The following INSL6 variants were observed in gnomAD, a reference collection of about 807,000 sequenced individuals.
INSL6 encodes the protein insulin like 6, also known as insulin-like peptide INSL6.
Under a neutral mutation model 9.4 loss-of-function variants are expected in INSL6, and 16 were observed. The ratio of observed to expected loss-of-function variants is 1.70; its 90% confidence interval spans 1.15 to 2.59. The LOEUF (loss-of-function observed/expected upper bound fraction) is 2.59, where lower values mean the gene tolerates loss of function less well. Ranked by LOEUF, INSL6 falls within the 30% of genes most tolerant of loss-of-function variation. The pLI, the probability that INSL6 is intolerant of heterozygous loss-of-function variation, is 0.00. For missense variants in INSL6, 391 were observed against 257.3 expected (o/e 1.52, Z -3.56); for synonymous variants, 154 against 96.9 (o/e 1.59, Z -3.46).
At chr9:5,131,158 C>T (rs1030170958) in intron 3 of INSL6, among the ~76,000 whole-genome samples, 7 of 152,288 alleles carry the variant, frequency 4.6e-5, no homozygotes, top group South Asian at 2.1e-4. Context: ...TAACAAGGCA[C>T]TCAATAATGA....
intron 2 of INSL6, among the ~76,000 whole-genome samples, chr9:5,139,269 A>AT (rs1824443934): frequency 6.6e-6 from 1 of 151,956 alleles, no homozygotes; most frequent in Non-Finnish European, 1.5e-5. Flanking sequence ...ATGATAAGCA[A>AT]TTTTTTCACG....
the INSL6 span, among the ~76,000 whole-genome samples, chr9:5,092,731 C>T: frequency 6.6e-6 from 1 of 152,136 alleles, no homozygotes; most frequent in Non-Finnish European, 1.5e-5. Context: ...GCTGAAAGAG[C>T]GTACTCACCT....
the INSL6 span, among the ~76,000 whole-genome samples, chr9:5,036,504 G>C: frequency 1.3e-5 from 2 of 152,160 alleles, no homozygotes; most frequent in African/African-American, 4.8e-5. Flanking sequence ...AACCAAAACA[G>C]CATGGTACTG....
At chr9:5,130,550 T>C (rs539385268) in intron 3 of INSL6, among the ~76,000 whole-genome samples, 3 of 152,292 alleles carry the variant, frequency 2.0e-5, no homozygotes, top group South Asian at 4.1e-4. Context: ...TTACCAGTTA[T>C]TTATTTTCAA....
chr9:5,050,287 C>T, the INSL6 span, among the ~76,000 whole-genome samples: 1 of 151,976 alleles, frequency 6.6e-6, no homozygotes, highest in African/African-American at 2.4e-5. Flanking sequence ...GGAATTTATG[C>T]CATTTATTTA....
At chr9:5,093,681 G>A in the INSL6 span, among the ~76,000 whole-genome samples, 3 of 152,104 alleles carry the variant, frequency 2.0e-5, no homozygotes, top group Non-Finnish European at 4.4e-5. Context: ...TAGTCTAAGC[G>A]AGTTAATACA....
At chr9:5,126,612 A>G in intron 3 of INSL6, 3 of 1,132,668 alleles carry the variant, frequency 2.6e-6, no homozygotes, top group Admixed American at 3.9e-5. Flanking sequence ...TGTATTGAAA[A>G]TTAATGTCTT....
chr9:5,020,097 C>T, the INSL6 span, among the ~76,000 whole-genome samples: 1 of 152,210 alleles, frequency 6.6e-6, no homozygotes, highest in Admixed American at 6.5e-5. Context: ...GGGCAGTGAG[C>T]ATGGCATGGG....
At chr9:5,076,708 C>T in the INSL6 span, among the ~76,000 whole-genome samples, 1 of 152,000 alleles carries the variant, frequency 6.6e-6, no homozygotes, top group Non-Finnish European at 1.5e-5. Flanking sequence ...AGTTTACATT[C>T]AAGAAAATTG....
At chr9:5,057,850 G>T in the INSL6 span, among the ~76,000 whole-genome samples, 1 of 151,876 alleles carries the variant, frequency 6.6e-6, no homozygotes, top group Non-Finnish European at 1.5e-5. Flanking sequence ...CAAAGTGCTG[G>T]GATTACAGGT....
chr9:5,037,692 AC>A, the INSL6 span, among the ~76,000 whole-genome samples: 1 of 151,998 alleles, frequency 6.6e-6, no homozygotes, highest in South Asian at 2.1e-4. Flanking sequence ...AACATCACAT[AC>A]CGGGGCCTGT....
chr9:5,047,047 A>G, the INSL6 span, among the ~76,000 whole-genome samples: 1 of 152,216 alleles, frequency 6.6e-6, no homozygotes, highest in Non-Finnish European at 1.5e-5. Flanking sequence ...CTTATCTAGC[A>G]TGGCAAGGTA....
the INSL6 span, among the ~76,000 whole-genome samples, chr9:5,015,830 G>C: frequency 6.6e-6 from 1 of 152,126 alleles, no homozygotes; most frequent in Non-Finnish European, 1.5e-5. Flanking sequence ...GTATGTTTAA[G>C]GCAGTGTGAT....
the INSL6 span, among the ~76,000 whole-genome samples, chr9:5,113,383 C>T: frequency 3.6e-5 from 5 of 139,174 alleles, no homozygotes; most frequent in East Asian, 2.1e-4. Context: ...TGTGCCTAAG[C>T]GTAATTTTTT....
the INSL6 span, chr9:5,085,731 A>G: frequency 1.3e-6 from 1 of 753,656 alleles, no homozygotes; most frequent in East Asian, 2.5e-5. Flanking sequence ...TTCTGCAATT[A>G]AGGCTGTGGC....
the INSL6 span, chr9:5,041,121 C>G: frequency 4.6e-6 from 4 of 876,228 alleles, no homozygotes; most frequent in Non-Finnish European, 7.4e-6. Context: ...ACGCCCAAGA[C>G]GGTGCTCCTG....
chr9:5,003,506 C>T, the INSL6 span, among the ~76,000 whole-genome samples: 1 of 151,734 alleles, frequency 6.6e-6, no homozygotes, highest in Non-Finnish European at 1.5e-5. Context: ...TTTAAATGTT[C>T]ATTTAAAAAA....
chr9:5,103,506 G>A, the INSL6 span, among the ~76,000 whole-genome samples: 2 of 152,182 alleles, frequency 1.3e-5, no homozygotes, highest in Admixed American at 6.5e-5. Context: ...ATAATAGACA[G>A]ATCAATGAGA....
the INSL6 span, chr9:5,044,551 G>A: frequency 1.6e-6 from 2 of 1,274,432 alleles, no homozygotes; most frequent in Non-Finnish European, 2.2e-6. Flanking sequence ...TTGTACATGA[G>A]TTAAATGATA....
Sources: gnomAD v4.1 joint callset for allele counts (sites outside exome capture counted in the v4.1 genomes callset) on GRCh38, gnomAD v4.1.1 for gene constraint, MANE v1.5 for transcripts, NCBI Gene and HGNC (gene_info 2026-07-23, HGNC 2026-07-21) for gene names.